Variants in LRRC32 observed in about 807,000 individuals in gnomAD.
LRRC32 encodes leucine rich repeat containing 32.
Under a neutral mutation model 15.0 loss-of-function variants are expected in LRRC32, and 5 were observed. The observed-to-expected ratio is 0.33, with a 90% confidence interval of 0.17 to 0.70. The LOEUF is 0.70. Ranked by LOEUF, LRRC32 falls within the 30% of genes least tolerant of loss-of-function variation. The pLI is 0.66. For missense variants in LRRC32, 803 were observed against 854.2 expected (o/e 0.94, Z 0.75); for synonymous variants, 391 against 403.9 (o/e 0.97, Z 0.38).
In LRRC32 at chr11:76,660,774, G is replaced by A; in HGVS notation, c.819C>T (p.Ser273=). 1 of 1,614,146 alleles carries A rather than the reference G, an allele frequency of 6.2e-7. No homozygotes were observed. The highest frequency in any genetic ancestry group is 1.1e-5 in the South Asian group (1 of 91,082). Reference sequence around the variant, plus strand: ...CTGTGGGGAGCCGGATGAGGTTGTTGGACAAGTTCAGGTAGATGAGTCTCG... The same window carrying A: ...CTGTGGGGAGCCGGATGAGGTTGTTAGACAAGTTCAGGTAGATGAGTCTCG... ...ALPRLIYLNL[S]NNLIRLPTGP... Residue 273 remains serine, a synonymous_variant, in exon 3 of 3, where the codon TCC becomes TCT. Coordinates refer to ENST00000260061, the MANE Select transcript of LRRC32 (RefSeq NM_001128922.2).
rs1057405162 is a variant in LRRC32, at chr11:76,659,306, C to T, written c.*298G>A. On this transcript the variant is annotated 3_prime_UTR_variant, in exon 3 of 3. Coordinates refer to ENST00000260061, the MANE Select transcript of LRRC32 (RefSeq NM_001128922.2). The stretch of plus-strand genomic sequence containing the variant: ...ATCTCATTTCCCAGCATTCCCAGTG[C>T]CCAGAGCAGGGTGTGGCACAAAATA... 14 of 359,110 alleles carry T rather than the reference C, an allele frequency of 3.9e-5. No individual in the cohort carries two copies. Among genetic ancestry groups the T allele is most frequent in the Non-Finnish European group, 7.2e-5 (14 of 195,558 alleles). 22.2% of individuals were successfully genotyped at this position (359,110 alleles called of 1,614,324 possible).
At position 76,659,703 on chromosome 11, in the gene LRRC32, G is replaced by T; in HGVS notation, c.1890C>A (p.Ile630=). 6.2e-7 allele frequency: 1 copy of T among 1,614,202 alleles called. No individual in the cohort carries two copies. The highest frequency in any genetic ancestry group is 8.5e-7 in the Non-Finnish European group (1 of 1,180,018). Residue 630 remains isoleucine (I), a synonymous_variant, in exon 3 of 3, where the codon ATC becomes ATA. Transcript: ENST00000260061. ...CAGAGACCAGTATGAAGGTGAGGATGATGATGAGGTTGATGTTCTTCAGTC... is the reference window on the plus strand; with the variant it reads ...CAGAGACCAGTATGAAGGTGAGGATTATGATGAGGTTGATGTTCTTCAGTC... ...KGGLKNINLI[I]ILTFILVSAI...
chr11:76,660,433 G>C lies in LRRC32; in HGVS notation c.1160C>G (p.Ser387Cys). Residue 387 changes from serine to cysteine, a missense_variant, in exon 3 of 3, where the codon TCT becomes TGT. Coordinates refer to ENST00000260061, the MANE Select transcript of LRRC32 (RefSeq NM_001128922.2). The stretch of plus-strand genomic sequence containing the variant: ...GCCCTGTAGGAGCAGCGTCCGCAGA[G>C]ACCCCAGGGCTCTGGCGCCCAGTTC... ...TLELGARALGSLRTLLLQGNA... is the reference protein window; with the variant it reads ...TLELGARALGCLRTLLLQGNA... 6.2e-7 allele frequency: 1 copy of C among 1,613,706 alleles called. No individual in the cohort carries two copies. The highest frequency in any genetic ancestry group is 1.3e-5 in the African/African-American group (1 of 75,060).
chr11:76,667,943 T>G lies in LRRC32; in HGVS notation c.-4-1985A>C, dbSNP rs554828355. Among the ~76,000 whole-genome samples the G allele has an allele frequency of 6.6e-5, 10 of 152,366 alleles. No individual in the cohort carries two copies. The East Asian group carries it at 1.9e-3, about 29-fold the overall frequency. On this transcript the variant is annotated intron_variant, in intron 1 of 2. Coordinates refer to ENST00000260061, the MANE Select transcript of LRRC32 (RefSeq NM_001128922.2). Reference sequence around the variant, plus strand: ...CCAGCTTAGATGGGCCAAGAGGCCTTCTTTGGTTCCCCAAGTCTGGACTAT... The same window carrying G: ...CCAGCTTAGATGGGCCAAGAGGCCTGCTTTGGTTCCCCAAGTCTGGACTAT...
chr11:76,661,165 C>G lies in LRRC32; in HGVS notation c.428G>C (p.Arg143Pro). ...CAGGCTGGGTGCCTCCCCCAGCAGCCGCTCCAGCAGGCCGCTGTACAGGCT... is the reference window on the plus strand; with the variant it reads ...CAGGCTGGGTGCCTCCCCCAGCAGCGGCTCCAGCAGGCCGCTGTACAGGCT... ...GNSLYSGLLE[R>P]LLGEAPSLHT... The change falls in exon 3 of 3, where the codon CGG (arginine) becomes CCG (proline). Residue 143 changes from arginine to proline, a missense_variant. By Grantham distance (103) the Arg-to-Pro change is moderately radical. Coordinates refer to ENST00000260061, the MANE Select transcript of LRRC32 (RefSeq NM_001128922.2). The G allele has an allele frequency of 6.2e-7, 1 of 1,613,898 alleles. No homozygotes were observed. Among genetic ancestry groups the G allele is most frequent in the Non-Finnish European group, 8.5e-7 (1 of 1,179,938 alleles).
At chr11:76,664,452 C>A (rs1952590881) in intron 2 of LRRC32, among the ~76,000 whole-genome samples, 1 of 152,212 alleles carries the variant, frequency 6.6e-6, no homozygotes, top group South Asian at 2.1e-4. Flanking sequence ...GAGCTCCCAC[C>A]CACTGTCCTG....
In LRRC32 at chr11:76,660,933, C is replaced by T. The variant is rs201221102; in HGVS notation, c.660G>A (p.Leu220=). The T allele has an allele frequency of 3.8e-5, 62 of 1,614,064 alleles. No homozygotes were observed. The highest frequency in any genetic ancestry group is 1.1e-4 in the South Asian group (10 of 91,092). Residue 220 remains leucine (L), a synonymous_variant, in exon 3 of 3, where the codon CTG becomes CTA. Transcript: ENST00000260061. ...TCISDFSLQQ[L]RVLDLSCNSI... ...TGTTGCAGCTCAGGTCTAGCACCCG[C>T]AGCTGCTGGAGGCTGAAGTCGGAGA...
chr11:76,666,513 T>C (rs1952629335), intron 1 of LRRC32, among the ~76,000 whole-genome samples: 1 of 152,256 alleles, frequency 6.6e-6, no homozygotes, highest in African/African-American at 2.4e-5. Context: ...CTTGCCATTG[T>C]TCAAGGGCTG....
chr11:76,669,226 G>A (rs904102004), intron 1 of LRRC32, among the ~76,000 whole-genome samples: 3 of 152,218 alleles, frequency 2.0e-5, no homozygotes. Flanking sequence ...TCGCAGGGCT[G>A]AGCATCCCAG....
rs1952438735 is a variant in LRRC32 at position 76,657,754 on chromosome 11, C to A, written c.*1850G>T. 1.3e-5 allele frequency: 2 copies of A among 152,506 alleles called. No homozygotes were observed. Among genetic ancestry groups the A allele is most frequent in the African/African-American group, 4.8e-5 (2 of 41,450 alleles). The allele number at this position is 152,506 out of a possible 1,614,324, so 9.4% of individuals were successfully genotyped here. On this transcript the variant is annotated 3_prime_UTR_variant, in exon 3 of 3. Coordinates refer to ENST00000260061, the MANE Select transcript of LRRC32 (RefSeq NM_001128922.2). The stretch of plus-strand genomic sequence containing the variant: ...GGACTGGGTCTGCCTGGGTGCTCCA[C>A]ACACCACCAGGGCCTAGCCCTGGCT...
chr11:76,659,992 T>C lies in LRRC32; in HGVS notation c.1601A>G (p.Gln534Arg), dbSNP rs1276865172. The C allele has an allele frequency of 6.2e-7, 1 of 1,614,008 alleles. No homozygotes were observed. The highest frequency in any genetic ancestry group is 8.5e-7 in the Non-Finnish European group (1 of 1,180,040). The change falls in exon 3 of 3, where the codon CAG becomes CGG. Residue 534 changes from glutamine (Q) to arginine (R), a missense_variant. Physicochemically the swap from Gln to Arg is conservative, Grantham distance 43 (BLOSUM62 1). Coordinates refer to ENST00000260061, the MANE Select transcript of LRRC32 (RefSeq NM_001128922.2). Reference sequence around the variant, plus strand: ...GTCCAGCACCTCCAGTGACACAGCCTGTGTCCAGGCGGGAAGGTGGCTCAG... The same window carrying C: ...GTCCAGCACCTCCAGTGACACAGCCCGTGTCCAGGCGGGAAGGTGGCTCAG... ...NRLSHLPAWT[Q>R]AVSLEVLDLR...
chr11:76,665,091 G>T (rs891812619), intron 2 of LRRC32, among the ~76,000 whole-genome samples: 6 of 152,236 alleles, frequency 3.9e-5, no homozygotes, highest in African/African-American at 7.2e-5. Flanking sequence ...GGATCTAGGT[G>T]TTCTCTTTGC....
rs1272725056 is a variant in LRRC32 at position 76,659,774 on chromosome 11, C to T, written c.1819G>A (p.Glu607Lys). The T allele has an allele frequency of 7.4e-6, 12 of 1,614,132 alleles. No individual in the cohort carries two copies. The Admixed American group carries it at 1.7e-4, about 22-fold the overall frequency. Residue 607 changes from glutamate to lysine, a missense_variant, in exon 3 of 3, where the codon GAG (glutamate) becomes AAG (lysine). Physicochemically the swap from Glu to Lys is moderately conservative, Grantham distance 56 (BLOSUM62 1). Coordinates refer to ENST00000260061, the MANE Select transcript of LRRC32 (RefSeq NM_001128922.2). Reference protein sequence around the residue: ...DLICRFSSQEEVSLSHVRPED... With the variant: ...DLICRFSSQEKVSLSHVRPED... ...GGACGCACGTGGCTCAGGGACACCT[C>T]CTCCTGGGAGCTGAAGCGGCAGATC...
At chr11:76,669,852 G>A (rs1474203958) in intron 1 of LRRC32, 1 of 152,306 alleles carries the variant, frequency 6.6e-6, no homozygotes, top group East Asian at 1.9e-4. Flanking sequence ...ACCAAATCAA[G>A]GTCTCCTTCC....
At position 76,661,430 on chromosome 11, in the gene LRRC32, C is replaced by G. The variant is rs1379369010; in HGVS notation, c.163G>C (p.Asp55His). 6.2e-7 allele frequency: 1 copy of G among 1,613,902 alleles called. No homozygotes were observed. Among genetic ancestry groups the G allele is most frequent in the Non-Finnish European group, 8.5e-7 (1 of 1,179,892 alleles). ...CTCCGCAGCTGGTTCCCAGATAGAT[C>G]AAGGGTCTCAGTGTCTGGCGGGAGC... ...SVLPPDTETL[D>H]LSGNQLRSIL... Residue 55 changes from aspartate (D) to histidine (H), a missense_variant, in exon 3 of 3, where the codon GAT becomes CAT. Physicochemically the swap from Asp to His is moderately conservative, Grantham distance 81. Coordinates refer to ENST00000260061, the MANE Select transcript of LRRC32 (RefSeq NM_001128922.2).
intron 1 of LRRC32, among the ~76,000 whole-genome samples, chr11:76,667,352 C>T (rs1176804200): frequency 6.6e-6 from 1 of 152,220 alleles, no homozygotes; most frequent in Non-Finnish European, 1.5e-5. Context: ...CCCAGGCCTC[C>T]CACAGTGGGT....
In LRRC32 at chr11:76,669,659, C is replaced by G. The variant is rs554030555; in HGVS notation, c.-5+955G>C. 7 of 152,232 alleles carry G rather than the reference C, an allele frequency of 4.6e-5. No individual in the cohort carries two copies. In the South Asian group the frequency reaches 1.5e-3, roughly 32 times the overall value. 9.4% of individuals were successfully genotyped at this position (152,232 alleles called of 1,614,324 possible). On this transcript the variant is annotated intron_variant, in intron 1 of 2. Transcript: ENST00000260061. ...CTGGGATTTATCCAGTTCTACATGACCTGAATACTGTGTTTTCTCCAGCAC... is the reference window on the plus strand; with the variant it reads ...CTGGGATTTATCCAGTTCTACATGAGCTGAATACTGTGTTTTCTCCAGCAC...
chr11:76,665,995 C>G, intron 1 of LRRC32, 37 bp from the exon 2 acceptor site: 2 of 1,585,174 alleles, frequency 1.3e-6, no homozygotes, highest in Non-Finnish European at 1.7e-6. Flanking sequence ...ACACTGTAAG[C>G]CCACTGGCTC....
chr11:76,659,712 G>T lies in LRRC32; in HGVS notation c.1881C>A (p.Asn627Lys). ...DCEKGGLKNI[N>K]LIIILTFILV... The stretch of plus-strand genomic sequence containing the variant: ...GTATGAAGGTGAGGATGATGATGAG[G>T]TTGATGTTCTTCAGTCCCCCCTTCT... Residue 627 changes from asparagine (N) to lysine (K), a missense_variant, in exon 3 of 3, where the codon AAC becomes AAA. Transcript: ENST00000260061. The T allele has an allele frequency of 6.2e-7, 1 of 1,614,172 alleles. No homozygotes were observed. The highest frequency in any genetic ancestry group is 8.5e-7 in the Non-Finnish European group (1 of 1,179,992).
Sources: gnomAD v4.1 joint callset for allele counts (sites outside exome capture counted in the v4.1 genomes callset) on GRCh38, gnomAD v4.1.1 for gene constraint, MANE v1.5 for transcripts, NCBI Gene and HGNC (gene_info 2026-07-23, HGNC 2026-07-21) for gene names.